NRG1: variants seen among roughly 807,000 people sequenced by gnomAD.
NRG1 encodes the protein pro-neuregulin-1, membrane-bound isoform.
A neutral mutation model predicts 63.8 loss-of-function variants in NRG1; 18 were observed. The ratio of observed to expected loss-of-function variants is 0.28; its 90% confidence interval spans 0.19 to 0.42. The LOEUF (loss-of-function observed/expected upper bound fraction) is 0.42, where lower values mean the gene tolerates loss of function less well. Ranked by LOEUF, NRG1 falls within the 10% of genes least tolerant of loss-of-function variation. The pLI, the probability that NRG1 is intolerant of heterozygous loss-of-function variation, is 1.00. For missense variants in NRG1, 762 were observed against 814.7 expected (o/e 0.94, Z 0.79); for synonymous variants, 302 against 301.3 (o/e 1.00, Z -0.02).
At position 32,457,196 on chromosome 8, in the gene NRG1, A is replaced by G. The variant is rs552672389; in HGVS notation, c.38-138632A>G. On this transcript the variant is annotated intron_variant, in intron 1 of 10. Coordinates refer to the NRG1 transcript ENST00000519301. ...AGAAGTTTGTCCCTCTCTTCAACTGAAATCTATCACAGTTCGACCTACATG... is the reference window on the plus strand; with the variant it reads ...AGAAGTTTGTCCCTCTCTTCAACTGGAATCTATCACAGTTCGACCTACATG... Among the ~76,000 whole-genome samples the G allele has an allele frequency of 2.0e-5, 3 of 152,272 alleles. No individual in the cohort carries two copies. In the East Asian group the frequency reaches 5.8e-4, roughly 29 times the overall value.
intron 7 of NRG1, among the ~76,000 whole-genome samples, chr8:32,752,443 A>G (rs1283286913): frequency 6.6e-6 from 1 of 152,060 alleles, no homozygotes. Context: ...CCAACTCAAT[A>G]TCTCCTGGTA....
chr8:31,848,551 G>A (rs1039932468), intron 1 of NRG1, among the ~76,000 whole-genome samples: 5 of 152,140 alleles, frequency 3.3e-5, no homozygotes, highest in Non-Finnish European at 7.4e-5. Flanking sequence ...ACTGGGTCAC[G>A]CAGCAGGAGG....
intron 1 of NRG1, among the ~76,000 whole-genome samples, chr8:32,009,938 T>G (rs764631867): frequency 7.9e-5 from 10 of 126,184 alleles, no homozygotes; most frequent in Non-Finnish European, 1.5e-4. Context: ...CTTTTTGGGG[T>G]TCCTTTGTCA....
rs1348298880 is a variant in NRG1, at chr8:31,640,572, C to A, written c.37+1141C>A. ...GGGGCCACCCCGCCTTCCCCTCCTG[C>A]GGGAGGCTCAAGGAGGACAGCAGGT... On this transcript the variant is annotated intron_variant, in intron 1 of 10. Transcript: ENST00000519301. This position sits in a 1 kb window ranked among gnomAD's most constrained non-coding sequence, Gnocchi z 6.3. 1 of 1,611,850 alleles carries A rather than the reference C, an allele frequency of 6.2e-7. No homozygotes were observed. Among genetic ancestry groups the A allele is most frequent in the East Asian group, 2.2e-5 (1 of 44,766 alleles).
chr8:32,355,911 G>A (rs749441878), intron 1 of NRG1, among the ~76,000 whole-genome samples: 4 of 152,162 alleles, frequency 2.6e-5, no homozygotes, highest in Non-Finnish European at 4.4e-5. Context: ...GAGGGGACAT[G>A]AACATGTGTC....
intron 5 of NRG1, among the ~76,000 whole-genome samples, chr8:32,665,960 A>AAAG (rs1041206790): frequency 4.6e-4 from 70 of 152,212 alleles, no homozygotes; most frequent in African/African-American, 1.6e-3. Context: ...AACATAATTC[A>AAAG]AAGATGCATT....
intron 1 of NRG1, among the ~76,000 whole-genome samples, chr8:32,564,344 G>C (rs1022607092): frequency 1.3e-5 from 2 of 152,254 alleles, no homozygotes; most frequent in South Asian, 4.1e-4. Context: ...TTTATTGCCA[G>C]GAAAGAATCA....
At chr8:31,797,717 G>A (rs115965297) in intron 1 of NRG1, among the ~76,000 whole-genome samples, 2,259 of 152,168 alleles carry the variant, frequency 0.015, 60 homozygotes, top group African/African-American at 0.05. Flanking sequence ...ATTTATTGCA[G>A]CACTATTTAT....
rs186110648 is a variant in NRG1 at position 31,840,079 on chromosome 8, G to T, written c.37+200648G>T. 1.1e-3 allele frequency among the ~76,000 whole-genome samples: 164 copies of T among 152,332 alleles called. 2 individuals are homozygous for T. The highest frequency in any genetic ancestry group is 5.9e-3 in the Admixed American group (90 of 15,298). On this transcript the variant is annotated intron_variant, in intron 1 of 10. Transcript: ENST00000519301. Reference sequence around the variant, plus strand: ...AGCAGAGCAAATGAGCACATACTGTGTTCATGGGGAAAAGGACAAATGACT... The same window carrying T: ...AGCAGAGCAAATGAGCACATACTGTTTTCATGGGGAAAAGGACAAATGACT...
At chr8:32,557,383 G>C (rs1268884479) in intron 1 of NRG1, among the ~76,000 whole-genome samples, 3 of 152,156 alleles carry the variant, frequency 2.0e-5, no homozygotes, top group African/African-American at 7.2e-5. Flanking sequence ...TCTGCCAACA[G>C]GGTGAAATGG....
At chr8:32,748,948 T>C (rs1044947768) in intron 7 of NRG1, 21 of 227,148 alleles carry the variant, frequency 9.2e-5, no homozygotes, top group Non-Finnish European at 1.9e-4. Context: ...AAGTGGAAGA[T>C]TAGAAGAAGT....
rs543119301 is a variant in NRG1, at chr8:32,540,924, A to G, written c.38-54904A>G. ...GTCACCAGTTATTTGTTGGACATCC[A>G]TTTGGTTTCTGCCAAGTTAGCTAAT... On this transcript the variant is annotated intron_variant, in intron 1 of 10. Transcript: ENST00000519301. Among the ~76,000 whole-genome samples, 9 of 152,330 alleles carry G rather than the reference A, an allele frequency of 5.9e-5. No homozygotes were observed. In the East Asian group the frequency reaches 1.7e-3, roughly 29 times the overall value.
In NRG1 at chr8:32,235,534, G is replaced by T. The variant is rs544757993; in HGVS notation, c.38-360294G>T. 6.6e-5 allele frequency among the ~76,000 whole-genome samples: 10 copies of T among 152,176 alleles called. No individual in the cohort carries two copies. The East Asian group carries it at 1.9e-3, about 29-fold the overall frequency. On this transcript the variant is annotated intron_variant, in intron 1 of 10. Coordinates refer to the NRG1 transcript ENST00000519301. ...CTTCTTATAAAAAAATACAAATTCT[G>T]AGCCCCCATCCCATTATAGTTGGTA...
At position 32,464,601 on chromosome 8, in the gene NRG1, G is replaced by A. The variant is rs185992050; in HGVS notation, c.38-131227G>A. Among the ~76,000 whole-genome samples the A allele has an allele frequency of 2.2e-4, 34 of 152,254 alleles. No homozygotes were observed. In the East Asian group the frequency reaches 4.2e-3, roughly 19 times the overall value. ...AAATGTATGAGATGTTCTTTCTGAA[G>A]GGGTTCTGTCACTAACAGGTTGCAT... On this transcript the variant is annotated intron_variant, in intron 1 of 10. Coordinates refer to the NRG1 transcript ENST00000519301.
intron 1 of NRG1, among the ~76,000 whole-genome samples, chr8:32,015,402 A>G (rs1815359136): frequency 6.6e-6 from 1 of 152,072 alleles, no homozygotes; most frequent in South Asian, 2.1e-4. Context: ...CTGTTTGGTC[A>G]GAAAAGTTTT....
intron 1 of NRG1, among the ~76,000 whole-genome samples, chr8:32,139,930 G>T (rs182574072): frequency 1.3e-5 from 2 of 152,236 alleles, no homozygotes; most frequent in Admixed American, 1.3e-4. Context: ...GACTGCTTAA[G>T]GTATTTATCT....
intron 1 of NRG1, among the ~76,000 whole-genome samples, chr8:32,082,051 C>T (rs958944966): frequency 1.3e-5 from 2 of 152,038 alleles, no homozygotes; most frequent in African/African-American, 4.8e-5. Context: ...AATATAGATG[C>T]TACTGTGAGA....
intron 1 of NRG1, among the ~76,000 whole-genome samples, chr8:31,898,890 A>G (rs1195494713): frequency 6.6e-6 from 1 of 151,864 alleles, no homozygotes; most frequent in Non-Finnish European, 1.5e-5. Flanking sequence ...CAATTCCTAA[A>G]TTACTCCCAG....
rs888612027 is a variant in NRG1, at chr8:32,352,455, T to C, written c.38-243373T>C. Among the ~76,000 whole-genome samples the C allele has an allele frequency of 3.4e-5, 5 of 147,234 alleles. No homozygotes were observed. The East Asian group carries it at 1.0e-3, about 31-fold the overall frequency. On this transcript the variant is annotated intron_variant, in intron 1 of 10. Transcript: ENST00000519301. The stretch of plus-strand genomic sequence containing the variant: ...TATAAATCTGGTTGGCAATGGACTC[T>C]TTAGTGCAAAGTCCTAAAGCCTTCA...
Sources: gnomAD v4.1 joint callset for allele counts (sites outside exome capture counted in the v4.1 genomes callset) on GRCh38, gnomAD v4.1.1 for gene constraint, Gnocchi (gnomAD v3.1) non-coding constraint, MANE v1.5 for transcripts, NCBI Gene and HGNC (gene_info 2026-07-23, HGNC 2026-07-21) for gene names.